TTC5: variants seen among roughly 807,000 people sequenced by gnomAD.
TTC5 encodes tetratricopeptide repeat protein 5.
Under a neutral mutation model 57.4 loss-of-function variants are expected in TTC5, and 46 were observed. The ratio of observed to expected loss-of-function variants is 0.80; its 90% CI spans 0.63 to 1.03. The LOEUF (loss-of-function observed/expected upper bound fraction) is 1.03, where lower values mean the gene tolerates loss of function less well. Among genes scored for constraint, TTC5 ranks in the 50% least tolerant of loss-of-function variants. TTC5 has a pLI of 0.00. For synonymous variants in TTC5, 190 were observed against 203.5 expected (o/e 0.93, Z 0.57); for missense variants, 504 against 528.1 (o/e 0.95, Z 0.45).
Position 20,288,028 on chromosome 14 carries a change from C to G in TTC5, c.*1599G>C, listed in dbSNP as rs1402400444. 6.6e-6 allele frequency: 1 copy of G among 152,146 alleles called. No homozygotes were observed. The highest frequency in any genetic ancestry group is 1.5e-5 in the Non-Finnish European group (1 of 68,030). 9.4% of individuals were successfully genotyped at this position (152,146 alleles called of 1,614,324 possible). A position where few individuals can be genotyped will look rare whatever the true frequency, so the allele number is the denominator to read the frequency against. On this transcript the variant is annotated 3_prime_UTR_variant, in exon 10 of 10. Transcript: ENST00000258821. ...CTTGCAAACTATATCAGACTGGTTA[C>G]TCATACTGACTTTAGCTTATCTACT... is the stretch of plus-strand genomic sequence containing the variant.
intron 5 of TTC5, among the ~76,000 whole-genome samples, 195 bp downstream of exon 5, chr14:20,298,602 C>T (rs1256105462): frequency 7.3e-6 from 1 of 137,928 alleles, no homozygotes; most frequent in Non-Finnish European, 1.7e-5. Flanking sequence ...CGACACGATG[C>T]AAGTGGTTCC....
At position 20,298,977 on chromosome 14, in the gene TTC5, G is replaced by C. The variant is rs1017014762; in HGVS notation, c.548-89C>G. On this transcript the variant is annotated intron_variant, in intron 4 of 9. Coordinates refer to ENST00000258821, the MANE Select transcript of TTC5 (RefSeq NM_138376.3). Reference sequence around the variant, plus strand: ...TCATTCTTGAAAGTATATTTGAAAGGTCCCACAAGAAATCCAAACCAGGAA... The same window carrying C: ...TCATTCTTGAAAGTATATTTGAAAGCTCCCACAAGAAATCCAAACCAGGAA... 7 of 1,072,482 alleles carry C rather than the reference G, an allele frequency of 6.5e-6. No homozygotes were observed. The African/African-American group carries it at 1.1e-4, about 17-fold the overall frequency. The allele number at this position is 1,072,482 out of a possible 1,614,324, so 66.4% of individuals were successfully genotyped here.
chr14:20,292,380 C>T (rs1457981094), intron 8 of TTC5: 1 of 213,134 alleles, frequency 4.7e-6, no homozygotes. Context: ...ATATCTGAGT[C>T]TTCATTTTTC....
chr14:20,298,920 A>T, intron 4 of TTC5, 32 bp from the exon 5 acceptor site: 1 of 1,480,420 alleles, frequency 6.8e-7, no homozygotes, highest in Non-Finnish European at 9.4e-7. Context: ...AAATCATCTC[A>T]GAGTCCAAGT....
At chr14:20,292,177 G>T in intron 8 of TTC5, 50 bp from the exon 9 acceptor site, 1 of 1,367,892 alleles carries the variant, frequency 7.3e-7, no homozygotes. Flanking sequence ...AGGTATGTGG[G>T]TAGGAAAGAA....
chr14:20,288,756 C>T lies in TTC5; in HGVS notation c.*871G>A, dbSNP rs1216953185. On this transcript the variant is annotated 3_prime_UTR_variant, in exon 10 of 10. Coordinates refer to ENST00000258821, the MANE Select transcript of TTC5 (RefSeq NM_138376.3). ...TCCTCACTCACATTTCTCCATTTTA[C>T]CACAAGGATATTAAGATAAACTGTT... 6.6e-6 allele frequency: 1 copy of T among 152,180 alleles called. No homozygotes were observed. Among genetic ancestry groups the T allele is most frequent in the Non-Finnish European group, 1.5e-5 (1 of 68,050 alleles). 9.4% of individuals were successfully genotyped at this position (152,180 alleles called of 1,614,324 possible). A position where few individuals can be genotyped will look rare whatever the true frequency, so the allele number is the denominator to read the frequency against.
intron 9 of TTC5, among the ~76,000 whole-genome samples, chr14:20,291,187 G>C (rs1881945833): frequency 6.6e-6 from 1 of 152,054 alleles, no homozygotes; most frequent in African/African-American, 2.4e-5. Context: ...CTTAGTAGCT[G>C]GGACTACAGG....
intron 1 of TTC5, among the ~76,000 whole-genome samples, chr14:20,303,709 T>C (rs1048955498): frequency 2.0e-5 from 3 of 152,162 alleles, no homozygotes; most frequent in South Asian, 4.1e-4. Context: ...TAGTTTCCCA[T>C]TGCAGACAGA....
At chr14:20,300,990 T>C (rs978053480) in intron 2 of TTC5, among the ~76,000 whole-genome samples, 172 bp from the exon 3 acceptor site, 10 of 152,190 alleles carry the variant, frequency 6.6e-5, no homozygotes, top group African/African-American at 1.2e-4. Flanking sequence ...GTTAGCTAAT[T>C]AGGCAACAAA....
intron 6 of TTC5, 143 bp downstream of exon 6, chr14:20,296,243 GAGCT>G (rs1323767982): frequency 6.9e-6 from 5 of 726,564 alleles, no homozygotes; most frequent in South Asian, 3.5e-5. Context: ...AAGCCAAACC[GAGCT>G]AGCTATTTAT....
intron 6 of TTC5, among the ~76,000 whole-genome samples, chr14:20,296,068 C>T (rs1882056115): frequency 6.6e-6 from 1 of 152,216 alleles, no homozygotes; most frequent in African/African-American, 2.4e-5. Context: ...TTCAAAGAAG[C>T]TAATTTCCAA....
At chr14:20,297,772 CAA>C (rs759779512) in intron 5 of TTC5, among the ~76,000 whole-genome samples, 1 of 119,376 alleles carries the variant, frequency 8.4e-6, no homozygotes. Flanking sequence ...GACTCCGTCT[CAA>C]AAAAAAAAAA....
At chr14:20,300,342 C>A in intron 3 of TTC5, 2 of 396,806 alleles carry the variant, frequency 5.0e-6, no homozygotes, top group South Asian at 9.3e-5. Flanking sequence ...GTATCTTCAA[C>A]CCCCATCCAC....
At position 20,301,812 on chromosome 14, in the gene TTC5, T is replaced by G. The variant is rs780324902; in HGVS notation, c.184+21A>C. ...ACATTTCACTGAAGGATGGGGGTTG[T>G]ACAATCTCTAGGGCTCATACCCACT... On this transcript the variant is annotated intron_variant, in intron 2 of 9. Coordinates refer to ENST00000258821, the MANE Select transcript of TTC5 (RefSeq NM_138376.3). The G allele has an allele frequency of 3.7e-6, 6 of 1,613,444 alleles. No homozygotes were observed. The East Asian group carries it at 1.3e-4, about 36-fold the overall frequency.
intron 8 of TTC5, chr14:20,293,637 G>C (rs1882002235): frequency 6.6e-6 from 1 of 152,210 alleles, no homozygotes; most frequent in Non-Finnish European, 1.5e-5. Flanking sequence ...GAACACTGGA[G>C]GAAACCAGAG....
rs772015854 is a variant in TTC5, at chr14:20,295,666, A to T, written c.843+42T>A. The T allele has an allele frequency of 1.6e-5, 7 of 442,724 alleles. No individual in the cohort carries two copies. The East Asian group carries it at 3.2e-4, about 20-fold the overall frequency. The allele number at this position is 442,724 out of a possible 1,614,324, so 27.4% of individuals were successfully genotyped here. A position where few individuals can be genotyped will look rare whatever the true frequency, so the allele number is the denominator to read the frequency against. ...TTATTTTATTGACCCACGACAAAAT[A>T]AAAAAAAAAAAAGTGGAATTCAGCC... is the stretch of plus-strand genomic sequence containing the variant. On this transcript the variant is annotated intron_variant, in intron 7 of 9. Transcript: ENST00000258821.
At position 20,286,790 on chromosome 14, in the gene TTC5, T is replaced by C. The variant is rs1881847544; in HGVS notation, c.*2837A>G. On this transcript the variant is annotated 3_prime_UTR_variant, in exon 10 of 10. Transcript: ENST00000258821. ...AAACTGTATGTAGACAAACGATTAG[T>C]ACAGGGAATATATAAATCAATTTGA... 6.7e-6 allele frequency: 1 copy of C among 149,362 alleles called. No individual in the cohort carries two copies. The highest frequency in any genetic ancestry group is 1.5e-5 in the Non-Finnish European group (1 of 67,230). 9.3% of individuals were successfully genotyped at this position (149,362 alleles called of 1,614,324 possible).
intron 1 of TTC5, 95 bp downstream of exon 1, chr14:20,305,790 CGT>C (rs1882279513): frequency 8.1e-7 from 1 of 1,230,326 alleles, no homozygotes; most frequent in East Asian, 2.3e-5. Context: ...CGCAGCTTCG[CGT>C]GTGTGCCGAG....
chr14:20,300,143 G>GTGTGTATA (rs370417927), intron 3 of TTC5, among the ~76,000 whole-genome samples: 1 of 27,148 alleles, frequency 3.7e-5, no homozygotes, highest in East Asian at 9.1e-4. Context: ...TCTGGTCCAT[G>GTGTGTATA]TATATATATA....
Sources: allele counts gnomAD v4.1 joint callset (sites outside exome capture counted in the v4.1 genomes callset), GRCh38; gene constraint gnomAD v4.1.1; transcripts MANE v1.5; gene names NCBI Gene and HGNC (gene_info 2026-07-23, HGNC 2026-07-21).